The following MARCHF1 variants were observed in gnomAD, a reference collection of about 807,000 sequenced individuals.
MARCHF1 encodes E3 ubiquitin-protein ligase MARCHF1.
A neutral mutation model predicts 54.2 loss-of-function variants in MARCHF1; 40 were observed. That is an observed-to-expected ratio of 0.74 (90% CI 0.57 to 0.96). MARCHF1 has a LOEUF of 0.96. MARCHF1 is among the 40% of genes least tolerant of loss of function. The probability of loss-of-function intolerance (pLI) is 0.00; values close to 1 mark genes in which losing one functional copy is unlikely to be tolerated. For synonymous variants in MARCHF1, 236 were observed against 236.3 expected, an observed-to-expected ratio of 1.00 and a Z score of 0.01; for missense variants, 586 against 656.5, an observed-to-expected ratio of 0.89 and a Z score of 1.17.
chr4:163,910,290 C>T (rs570862147), intron 3 of MARCHF1, among the ~76,000 whole-genome samples: 74 of 152,246 alleles, frequency 4.9e-4, no homozygotes, highest in African/African-American at 1.3e-3. Context: ...ACATAAACAA[C>T]AACCATTAGA....
intron 1 of MARCHF1, among the ~76,000 whole-genome samples, chr4:164,261,139 A>C (rs1383359186): frequency 6.6e-6 from 1 of 152,100 alleles, no homozygotes; most frequent in African/African-American, 2.4e-5. Context: ...AGAGGACTGG[A>C]ACAGTTCCTT....
rs1733826760 is a variant in MARCHF1 at position 164,274,659 on chromosome 4, C to CTTCTTTTTTTTTTTTTTTTTTTTTTT, written c.-323+109210_-323+109211insAAAAAAAAAAAAAAAAAAAAAAAGAA. ...CGCTTGATGTGTGCTTCAGGGTACA[C>CTTCTTTTTTTTTTTTTTTTTTTTTTT]TTTTTTTTTTTTTTTTTTTTTTTTT... On this transcript the variant is annotated intron_variant, in intron 1 of 9. Transcript: ENST00000514618. Among the ~76,000 whole-genome samples, 5 of 44,644 alleles carry CTTCTTTTTTTTTTTTTTTTTTTTTTT rather than the reference C, an allele frequency of 1.1e-4. 2 individuals carry two copies. Among genetic ancestry groups the CTTCTTTTTTTTTTTTTTTTTTTTTTT allele is most frequent in the African/African-American group, 3.7e-4 (5 of 13,408 alleles). The allele number at this position is 44,644 out of a possible 152,430, so 29.3% of individuals were successfully genotyped here. A position where few individuals can be genotyped will look rare whatever the true frequency, so the allele number is the denominator to read the frequency against.
chr4:164,034,803 C>T (rs1460074060), intron 2 of MARCHF1, among the ~76,000 whole-genome samples: 2 of 152,140 alleles, frequency 1.3e-5, no homozygotes, highest in African/African-American at 2.4e-5. Flanking sequence ...TTGTATGTAA[C>T]ACTTTTTACT....
At chr4:163,626,305 T>C (rs1015750898) in intron 5 of MARCHF1, among the ~76,000 whole-genome samples, 3 of 152,250 alleles carry the variant, frequency 2.0e-5, no homozygotes, top group Admixed American at 1.3e-4. Context: ...ATGTTAACTA[T>C]TGCCAATTGG....
intron 5 of MARCHF1, among the ~76,000 whole-genome samples, chr4:163,690,974 C>G (rs967386219): frequency 2.2e-4 from 34 of 152,222 alleles, no homozygotes; most frequent in African/African-American, 8.0e-4. Context: ...CCAAGGCGAC[C>G]ACTGGGAGTG....
chr4:164,380,695 A>G (rs955196488), intron 1 of MARCHF1, among the ~76,000 whole-genome samples: 1 of 152,226 alleles, frequency 6.6e-6, no homozygotes, highest in Non-Finnish European at 1.5e-5. Context: ...TAAATATTAG[A>G]TCATCACACT....
At chr4:163,529,513 AAAAGG>A (rs753609276) in intron 9 of MARCHF1, among the ~76,000 whole-genome samples, 4 of 152,036 alleles carry the variant, frequency 2.6e-5, no homozygotes, top group Admixed American at 6.6e-5. Flanking sequence ...TTTAAAATGT[AAAAGG>A]AAAGGAAGGA....
At chr4:164,151,905 T>C (rs1326529532) in intron 1 of MARCHF1, among the ~76,000 whole-genome samples, 2 of 152,138 alleles carry the variant, frequency 1.3e-5, no homozygotes, top group East Asian at 3.9e-4. Flanking sequence ...TCAGTTTTTA[T>C]TGACCTTTGC....
chr4:163,923,398 A>G (rs574031198), intron 3 of MARCHF1, among the ~76,000 whole-genome samples: 2 of 152,094 alleles, frequency 1.3e-5, no homozygotes, highest in Non-Finnish European at 2.9e-5. Flanking sequence ...TCCTTTCTAC[A>G]TGTTAACAGC....
intron 8 of MARCHF1, among the ~76,000 whole-genome samples, chr4:163,553,032 C>CAAAA (rs778572383): frequency 0.13 from 8,152 of 63,376 alleles, 334 homozygotes; most frequent in Admixed American, 0.28. Flanking sequence ...GACTCCGTCT[C>CAAAA]AAAAAAAAAA....
intron 1 of MARCHF1, among the ~76,000 whole-genome samples, chr4:164,273,334 C>T (rs1733789474): frequency 6.6e-6 from 1 of 152,110 alleles, no homozygotes; most frequent in Non-Finnish European, 1.5e-5. Flanking sequence ...CTCACTATCA[C>T]AAGAAGAGCA....
chr4:163,958,184 A>G (rs13124397), intron 3 of MARCHF1, among the ~76,000 whole-genome samples: 80,704 of 151,702 alleles, frequency 0.53, 23,055 homozygotes, highest in Middle Eastern at 0.68. Flanking sequence ...TCTGACAGCT[A>G]TAATTTGACC....
At position 164,161,557 on chromosome 4, in the gene MARCHF1, G is replaced by T. The variant is rs1038169731; in HGVS notation, c.-322-49895C>A. ...ATCATCATCATCATCAGCAGCAGCA[G>T]CAGCAGCAGCAGCAGCAGGCCAAAA... On this transcript the variant is annotated intron_variant, in intron 1 of 9. Coordinates refer to ENST00000514618, the MANE Select transcript of MARCHF1 (RefSeq NM_001394959.1). Among the ~76,000 whole-genome samples, 109 of 114,786 alleles carry T rather than the reference G, an allele frequency of 9.5e-4. No homozygotes were observed. In the East Asian group the frequency reaches 0.012, roughly 12 times the overall value. The allele number at this position is 114,786 out of a possible 152,430, so 75.3% of individuals were successfully genotyped here.
At chr4:164,106,948 C>G (rs1755718519) in intron 2 of MARCHF1, among the ~76,000 whole-genome samples, 1 of 152,002 alleles carries the variant, frequency 6.6e-6, no homozygotes. Flanking sequence ...AAGAAACAAC[C>G]ATATGCAGAA....
At chr4:163,627,439 C>A (rs1741910555) in intron 5 of MARCHF1, among the ~76,000 whole-genome samples, 1 of 152,284 alleles carries the variant, frequency 6.6e-6, no homozygotes, top group African/African-American at 2.4e-5. Context: ...TCTTGCACCC[C>A]ACACTTGACC....
At chr4:164,383,430 A>T (rs1303138958) in intron 1 of MARCHF1, 2 of 152,274 alleles carry the variant, frequency 1.3e-5, no homozygotes, top group Non-Finnish European at 2.9e-5. Context: ...TCAAGCCCAC[A>T]CTAGGAGCGC....
intron 1 of MARCHF1, among the ~76,000 whole-genome samples, chr4:164,233,597 T>C (rs1189585051): frequency 6.6e-6 from 1 of 152,108 alleles, no homozygotes; most frequent in African/African-American, 2.4e-5. Context: ...TGGCTGCGGA[T>C]GATGTCCATG....
At chr4:164,310,643 T>C (rs1734826057) in intron 1 of MARCHF1, among the ~76,000 whole-genome samples, 1 of 148,732 alleles carries the variant, frequency 6.7e-6, no homozygotes, top group Non-Finnish European at 1.5e-5. Context: ...ATAATATTTA[T>C]TATTTCACAG....
chr4:163,854,368 A>T (rs979318054), intron 3 of MARCHF1, among the ~76,000 whole-genome samples, 199 bp from the exon 4 acceptor site: 1 of 152,204 alleles, frequency 6.6e-6, no homozygotes, highest in Non-Finnish European at 1.5e-5. Flanking sequence ...TAGAAAGAGT[A>T]TACATCTTTT....
Sources: allele counts gnomAD v4.1 joint callset (sites outside exome capture counted in the v4.1 genomes callset), GRCh38; gene constraint gnomAD v4.1.1; transcripts MANE v1.5; gene names NCBI Gene and HGNC (gene_info 2026-07-23, HGNC 2026-07-21).